PSME2: variants seen among roughly 807,000 people sequenced by gnomAD.
The protein encoded by PSME2 is proteasome activator subunit 2.
A neutral mutation model predicts 38.8 loss-of-function variants in PSME2; 20 were observed. The ratio of observed to expected loss-of-function variants is 0.52; its 90% confidence interval spans 0.36 to 0.75. The LOEUF (loss-of-function observed/expected upper bound fraction) is 0.75. Ranked by LOEUF, PSME2 falls within the 30% of genes least tolerant of loss-of-function variation. The pLI is 0.00. For synonymous variants in PSME2, 82 were observed against 102.5 expected, an observed-to-expected ratio of 0.80 and a Z score of 1.21; for missense variants, 227 against 287.6, an observed-to-expected ratio of 0.79 and a Z score of 1.52.
intron 4 of PSME2, 24 bp from the exon 5 acceptor site, chr14:24,145,297 A>C (rs765093991): frequency 6.2e-7 from 1 of 1,614,020 alleles, no homozygotes; most frequent in Non-Finnish European, 8.5e-7. Context: ...GGGGGAAAGT[A>C]GCTTTAGAAA....
intron 1 of PSME2, 31 bp downstream of exon 1, chr14:24,146,503 G>C (rs1204481298): frequency 1.2e-6 from 2 of 1,613,668 alleles, no homozygotes; most frequent in South Asian, 2.2e-5. Context: ...AGGGTTCTAT[G>C]ACCCCTTCCT....
intron 2 of PSME2, 196 bp from the exon 3 acceptor site, chr14:24,145,968 G>A: frequency 1.2e-6 from 1 of 816,490 alleles, no homozygotes; most frequent in Non-Finnish European, 2.0e-6. Context: ...TTCCTGCTTT[G>A]GAAGCCATGG....
Position 24,145,441 on chromosome 14 carries a change from A to G in PSME2, c.169T>C (p.Leu57=), listed in dbSNP as rs2038135912. ...TCCAGTGGGGCCCGGAGGGAAGTCA[A>G]GTCAGCCACATTGAGGGAGTCCTCC... ...LQEDSLNVAD[L]TSLRAPLDIP... Residue 57 remains leucine (L), a synonymous_variant, in exon 4 of 11, where the codon TTG becomes CTG. Transcript: ENST00000216802. The G allele has an allele frequency of 1.3e-6, 2 of 1,555,702 alleles. No individual in the cohort carries two copies. The highest frequency in any genetic ancestry group is 1.4e-5 in the African/African-American group (1 of 73,022).
Position 24,145,440 on chromosome 14 carries a change from A to G in PSME2, c.170T>C (p.Leu57Ser). 6.4e-7 allele frequency: 1 copy of G among 1,555,908 alleles called. No homozygotes were observed. Among genetic ancestry groups the G allele is most frequent in the Non-Finnish European group, 8.7e-7 (1 of 1,153,028 alleles). ...GTCCAGTGGGGCCCGGAGGGAAGTC[A>G]AGTCAGCCACATTGAGGGAGTCCTC... ...LQEDSLNVAD[L>S]TSLRAPLDIP... Residue 57 changes from leucine (L) to serine (S), a missense_variant, in exon 4 of 11, where the codon TTG (leucine) becomes TCG (serine). Coordinates refer to ENST00000216802, the MANE Select transcript of PSME2 (RefSeq NM_002818.3).
intron 3 of PSME2, 121 bp downstream of exon 3, chr14:24,145,589 A>C: frequency 2.8e-6 from 4 of 1,453,996 alleles, no homozygotes; most frequent in South Asian, 1.2e-5. Flanking sequence ...ACGCCATCCT[A>C]ATGTTCCTAA....
rs561447438 is a variant in PSME2, at chr14:24,144,879, G to A, written c.360+179C>T. 272 of 674,416 alleles carry A rather than the reference G, an allele frequency of 4.0e-4. 6 individuals are homozygous for A. In the South Asian group the frequency reaches 4.2e-3, roughly 10 times the overall value. 41.8% of individuals were successfully genotyped at this position (674,416 alleles called of 1,614,324 possible). A position where few individuals can be genotyped will look rare whatever the true frequency, so the allele number is the denominator to read the frequency against. On this transcript the variant is annotated intron_variant, in intron 6 of 10. Transcript: ENST00000216802. ...CACAGTCTCTAATTTTGGGGGTACC[G>A]TTGTGATAAGAGAGGTCTAACAGAA... is the stretch of plus-strand genomic sequence containing the variant.
At chr14:24,145,622 T>C (rs1313981494) in intron 3 of PSME2, 88 bp downstream of exon 3, 2 of 1,510,602 alleles carry the variant, frequency 1.3e-6, no homozygotes, top group African/African-American at 2.8e-5. Context: ...AACTATTCTC[T>C]GCATGCTGAA....
chr14:24,143,893 C>A lies in PSME2; in HGVS notation c.552+82G>T. ...TTAATATTCTCCACATTGGGAAAGT[C>A]ACAAACAAGACAAGGAGGACTTCTT... On this transcript the variant is annotated intron_variant, in intron 9 of 10. Transcript: ENST00000216802. The surrounding 1 kb of genome is among the most constrained non-coding windows in gnomAD (Gnocchi z 4.4). The A allele has an allele frequency of 6.5e-7, 1 of 1,527,884 alleles. No homozygotes were observed. Among genetic ancestry groups the A allele is most frequent in the South Asian group, 1.1e-5 (1 of 88,920 alleles). The allele number at this position is 1,527,884 out of a possible 1,614,324, so 94.6% of individuals were successfully genotyped here.
chr14:24,146,268 G>A (rs377481996), intron 1 of PSME2, 28 bp from the exon 2 acceptor site: 3 of 1,613,048 alleles, frequency 1.9e-6, no homozygotes, highest in East Asian at 2.2e-5. Context: ...CCCGGATGTT[G>A]GTTAAGGGTC....
chr14:24,144,081 C>T (rs2038115816), intron 8 of PSME2, 52 bp from the exon 9 acceptor site: 22 of 1,610,904 alleles, frequency 1.4e-5, no homozygotes, highest in Non-Finnish European at 1.9e-5. Flanking sequence ...GAGATGTACT[C>T]CCTCAGACCC....
intron 6 of PSME2, 123 bp downstream of exon 6, chr14:24,144,935 G>A (rs1235521059): frequency 3.1e-6 from 3 of 967,210 alleles, no homozygotes; most frequent in South Asian, 1.5e-5. Flanking sequence ...TAAGCCCAAG[G>A]CACAGAAGGA....
At chr14:24,146,431 A>G (rs2038157587) in intron 1 of PSME2, 103 bp downstream of exon 1, 1 of 1,514,464 alleles carries the variant, frequency 6.6e-7, no homozygotes, top group Non-Finnish European at 9.1e-7. Flanking sequence ...CACTAGCGAG[A>G]TTGGGGGAGT....
intron 3 of PSME2, 91 bp downstream of exon 3, chr14:24,145,619 C>A (rs1359930546): frequency 2.7e-6 from 4 of 1,504,756 alleles, no homozygotes; most frequent in East Asian, 2.3e-5. Context: ...TGAAACTATT[C>A]TCTGCATGCT....
Position 24,143,489 on chromosome 14 carries a change from C to T in PSME2, c.640G>A (p.Ala214Thr), listed in dbSNP as rs1000965185. 1 of 1,614,176 alleles carries T rather than the reference C, an allele frequency of 6.2e-7. No individual in the cohort carries two copies. The highest frequency in any genetic ancestry group is 8.5e-7 in the Non-Finnish European group (1 of 1,180,028). Residue 214 changes from alanine to threonine, a missense_variant and splice_region_variant, in exon 11 of 11, where the codon GCT (alanine) becomes ACT (threonine). Transcript: ENST00000216802. The surrounding 1 kb of genome is among the most constrained non-coding windows in gnomAD (Gnocchi z 4.4). Reference sequence around the variant, plus strand: ...CTGCTGATGATATGATAAAGCTCAGCCTGGGAGAAGGCCAGAGTGCAAGAG... The same window carrying T: ...CTGCTGATGATATGATAAAGCTCAGTCTGGGAGAAGGCCAGAGTGCAAGAG... Reference protein sequence around the residue: ...AMVLDLRAFYAELYHIISSNL... With the variant: ...AMVLDLRAFYTELYHIISSNL...
Position 24,145,434 on chromosome 14 carries a change from G to A in PSME2, c.176C>T (p.Ser59Phe). The A allele has an allele frequency of 6.4e-7, 1 of 1,558,056 alleles. No individual in the cohort carries two copies. The highest frequency in any genetic ancestry group is 1.4e-5 in the African/African-American group (1 of 73,200). ...EDSLNVADLT[S>F]LRAPLDIPIP... Reference sequence around the variant, plus strand: ...GGGGATGTCCAGTGGGGCCCGGAGGGAAGTCAAGTCAGCCACATTGAGGGA... The same window carrying A: ...GGGGATGTCCAGTGGGGCCCGGAGGAAAGTCAAGTCAGCCACATTGAGGGA... Residue 59 changes from serine to phenylalanine, a missense_variant, in exon 4 of 11, where the codon TCC (serine) becomes TTC (phenylalanine). Physicochemically the swap from Ser to Phe is radical, Grantham distance 155. Around this residue, in one of 3 missense-constraint regions of PSME2, gnomAD observed 80 missense variants for 77.3 expected, o/e 1.04. Coordinates refer to ENST00000216802, the MANE Select transcript of PSME2 (RefSeq NM_002818.3).
In PSME2 at chr14:24,146,606, G is replaced by A. The variant is rs2038162459; in HGVS notation, c.-25C>T. The stretch of plus-strand genomic sequence containing the variant: ...TGCTGCTTCAGTCGCTAGATCTCTG[G>A]TCTCCCGGCTAGTCGCCCGGGCTTT... On this transcript the variant is annotated 5_prime_UTR_variant, in exon 1 of 11. Transcript: ENST00000216802. The A allele has an allele frequency of 1.9e-6, 3 of 1,611,906 alleles. No homozygotes were observed. The highest frequency in any genetic ancestry group is 1.1e-5 in the South Asian group (1 of 91,088).
At chr14:24,146,462 C>T in intron 1 of PSME2, 72 bp downstream of exon 1, 1 of 1,601,800 alleles carries the variant, frequency 6.2e-7, no homozygotes, top group Non-Finnish European at 8.5e-7. Context: ...TGCTTGGTCC[C>T]CTGAACCACC....
rs562485730 is a variant in PSME2 at position 24,143,738 on chromosome 14, T to TA, written c.553-68dup. ...CTGGGACATGAGTCTGGTTTCCTTT[T>TA]ATAGGAAATAGGTTAACTTGAGAAT... On this transcript the variant is annotated intron_variant, in intron 9 of 10. Coordinates refer to ENST00000216802, the MANE Select transcript of PSME2 (RefSeq NM_002818.3). The surrounding 1 kb of genome is among the most constrained non-coding windows in gnomAD (Gnocchi z 4.4). 1.0e-4 allele frequency: 157 copies of TA among 1,509,134 alleles called. No individual in the cohort carries two copies. The African/African-American group carries it at 2.0e-3, about 19-fold the overall frequency. The allele number at this position is 1,509,134 out of a possible 1,614,324, so 93.5% of individuals were successfully genotyped here. A position where few individuals can be genotyped will look rare whatever the true frequency, so the allele number is the denominator to read the frequency against.
intron 6 of PSME2, 176 bp downstream of exon 6, chr14:24,144,882 G>T (rs2038126096): frequency 5.8e-6 from 4 of 683,882 alleles, no homozygotes; most frequent in Non-Finnish European, 1.0e-5. Context: ...GGGTACCGTT[G>T]TGATAAGAGA....
Sources: allele counts gnomAD v4.1 joint callset, GRCh38; gene constraint gnomAD v4.1.1; regional missense constraint gnomAD v4.1.1; non-coding constraint Gnocchi (gnomAD v3.1); transcripts MANE v1.5; gene names NCBI Gene and HGNC (gene_info 2026-07-23, HGNC 2026-07-21).